The following EGFR variants were observed in gnomAD, a reference collection of about 807,000 sequenced individuals.
EGFR encodes avian erythroblastic leukemia viral (v-erb-b) oncogene homolog.
Under a neutral mutation model 143.0 loss-of-function variants are expected in EGFR, and 58 were observed. That is an observed-to-expected ratio of 0.41 (90% CI 0.33 to 0.50). The LOEUF (loss-of-function observed/expected upper bound fraction) is 0.50, where lower values mean the gene tolerates loss of function less well. Ranked by LOEUF, EGFR falls within the 20% of genes least tolerant of loss-of-function variation. The probability of loss-of-function intolerance (pLI) is 0.39; values close to 1 mark genes in which losing one functional copy is unlikely to be tolerated. For missense variants in EGFR, 1,307 were observed against 1,579.0 expected (o/e 0.83, Z 2.92); for synonymous variants, 613 against 594.4 (o/e 1.03, Z -0.45).
intron 1 of EGFR, among the ~76,000 whole-genome samples, chr7:55,052,340 G>A (rs1788537819): frequency 6.6e-6 from 1 of 152,202 alleles, no homozygotes. Flanking sequence ...ATTGAGAAGT[G>A]GGTTCTCAGG....
chr7:55,031,318 G>A (rs1787231654), intron 1 of EGFR, among the ~76,000 whole-genome samples: 1 of 152,198 alleles, frequency 6.6e-6, no homozygotes, highest in South Asian at 2.1e-4. Flanking sequence ...TGTAAGTCTT[G>A]CAAAGGTTAC....
chr7:55,134,329 A>T (rs536747416), intron 1 of EGFR, among the ~76,000 whole-genome samples: 1 of 149,016 alleles, frequency 6.7e-6, no homozygotes, highest in South Asian at 2.1e-4. Context: ...CAGTTCCAGG[A>T]CTCAGGACTC....
intron 1 of EGFR, among the ~76,000 whole-genome samples, chr7:55,067,262 G>A (rs761173509): frequency 6.2e-5 from 9 of 146,138 alleles, no homozygotes; most frequent in South Asian, 2.1e-4. Context: ...AAGTGCTGTC[G>A]TCTCCTGCAA....
intron 1 of EGFR, among the ~76,000 whole-genome samples, chr7:55,104,611 G>A (rs535590381): frequency 1.4e-4 from 21 of 152,288 alleles, no homozygotes; most frequent in Admixed American, 3.3e-4. Flanking sequence ...GATGAGGAGC[G>A]ATTTATGTTC....
chr7:55,205,395 G>T lies in EGFR; in HGVS notation c.3411G>T (p.Glu1137Asp). ...ACAGCACTGCAGTGGGCAACCCCGA[G>T]TATCTCAACACTGTCCAGCCCACCT... ...DPHSTAVGNPEYLNTVQPTCV... is the reference protein window; with the variant it reads ...DPHSTAVGNPDYLNTVQPTCV... Residue 1137 changes from glutamate to aspartate, a missense_variant, in exon 28 of 28, where the codon GAG becomes GAT. By Grantham distance (45) the Glu-to-Asp change is conservative. Transcript: ENST00000275493. 6.2e-7 allele frequency: 1 copy of T among 1,614,084 alleles called. No homozygotes were observed.
At chr7:55,044,045 T>G (rs1309143521) in intron 1 of EGFR, 2 of 152,108 alleles carry the variant, frequency 1.3e-5, no homozygotes, top group Non-Finnish European at 2.9e-5. Context: ...AAGGAATCAG[T>G]GGGGCCCTGG....
chr7:55,201,601 T>C lies in EGFR; in HGVS notation c.3115-134T>C, dbSNP rs1400554858. ...AAATCAAAACTAAACCTAGTTGCTC[T>C]AAAACTAACGATTAAGACAAAAATT... On this transcript the variant is annotated intron_variant, in intron 25 of 27. Transcript: ENST00000275493. The C allele has an allele frequency of 1.1e-5, 14 of 1,290,052 alleles. No homozygotes were observed. The East Asian group carries it at 2.8e-4, about 26-fold the overall frequency. 79.9% of individuals were successfully genotyped at this position (1,290,052 alleles called of 1,614,324 possible).
intron 15 of EGFR, among the ~76,000 whole-genome samples, chr7:55,170,027 G>A (rs1415409080): frequency 1.3e-5 from 2 of 152,194 alleles, no homozygotes. Flanking sequence ...TCTGTAGGAG[G>A]TAGTGGGGTG....
In EGFR at chr7:55,173,901, T is replaced by A. The variant is rs1584224262; in HGVS notation, c.2062-20T>A. The A allele has an allele frequency of 1.2e-6, 2 of 1,614,220 alleles. No individual in the cohort carries two copies. The highest frequency in any genetic ancestry group is 2.2e-5 in the South Asian group (2 of 91,090). ...TGAGGGCTGAGGTGACCCTTGTCTCTGTGTTCTTGTCCCCCCCAGCTTGTG... is the reference window on the plus strand; with the variant it reads ...TGAGGGCTGAGGTGACCCTTGTCTCAGTGTTCTTGTCCCCCCCAGCTTGTG... On this transcript the variant is annotated intron_variant, in intron 17 of 27. Coordinates refer to ENST00000275493, the MANE Select transcript of EGFR (RefSeq NM_005228.5).
chr7:55,167,008 A>G (rs1786058981), intron 15 of EGFR, among the ~76,000 whole-genome samples: 1 of 125,424 alleles, frequency 8.0e-6, no homozygotes, highest in Non-Finnish European at 1.6e-5. Context: ...GGTGGGAGTC[A>G]CAATGGTGTC....
At chr7:55,064,136 A>G (rs13244618) in intron 1 of EGFR, among the ~76,000 whole-genome samples, 40,488 of 152,104 alleles carry the variant, frequency 0.27, 6,095 homozygotes, top group Non-Finnish European at 0.35. Context: ...TATGATCTTG[A>G]TACTAGAATT....
At chr7:55,077,461 G>A (rs1452115169) in intron 1 of EGFR, among the ~76,000 whole-genome samples, 1 of 152,088 alleles carries the variant, frequency 6.6e-6, no homozygotes, top group Non-Finnish European at 1.5e-5. Context: ...ATTTTACATT[G>A]GAAGTAAAAA....
chr7:55,139,169 T>C (rs1794320260), intron 1 of EGFR, among the ~76,000 whole-genome samples: 1 of 152,204 alleles, frequency 6.6e-6, no homozygotes, highest in African/African-American at 2.4e-5. Context: ...AACGTTATTG[T>C]CACCATTTTC....
intron 14 of EGFR, among the ~76,000 whole-genome samples, 182 bp downstream of exon 14, chr7:55,164,005 A>T (rs750137869): frequency 6.6e-6 from 1 of 152,214 alleles, no homozygotes; most frequent in Non-Finnish European, 1.5e-5. Flanking sequence ...TAGCACACAC[A>T]TTAGCCTGCG....
At position 55,171,228 on chromosome 7, in the gene EGFR, C is replaced by G. The variant is rs747668962; in HGVS notation, c.1919+15C>G. On this transcript the variant is annotated intron_variant, in intron 16 of 27. Transcript: ENST00000275493. The stretch of plus-strand genomic sequence containing the variant: ...CCAACGAATGGGTAAGTGTTCACAG[C>G]TCTGTGTCACATGGACCTCGTCAAG... 2.7e-5 allele frequency: 43 copies of G among 1,614,072 alleles called. No homozygotes were observed. Among genetic ancestry groups the G allele is most frequent in the Non-Finnish European group, 3.5e-5 (41 of 1,180,040 alleles).
chr7:55,199,034 C>T (rs941571322), intron 23 of EGFR, among the ~76,000 whole-genome samples, 171 bp downstream of exon 23: 3 of 152,260 alleles, frequency 2.0e-5, no homozygotes, highest in Non-Finnish European at 4.4e-5. Context: ...TTTAAAGACA[C>T]TTCTTGACTC....
intron 4 of EGFR, among the ~76,000 whole-genome samples, chr7:55,149,524 G>T (rs558328335): frequency 1.3e-5 from 2 of 152,218 alleles, no homozygotes; most frequent in Middle Eastern, 3.4e-3. Context: ...TAAACACCTG[G>T]GTCAGCTGGG....
intron 27 of EGFR, among the ~76,000 whole-genome samples, chr7:55,203,857 T>G (rs1034898411): frequency 6.6e-6 from 1 of 151,572 alleles, no homozygotes; most frequent in African/African-American, 2.4e-5. Flanking sequence ...TATATGTTGA[T>G]GTAATATCTA....
chr7:55,116,941 A>T lies in EGFR; in HGVS notation c.89-25345A>T, dbSNP rs548866868. ...GGGTTCTTTCTCTTTTCTTGCAGTT[A>T]CAAGTTTATGAATATTGTCCCACGT... On this transcript the variant is annotated intron_variant, in intron 1 of 27. Coordinates refer to ENST00000275493, the MANE Select transcript of EGFR (RefSeq NM_005228.5). 5.3e-5 allele frequency among the ~76,000 whole-genome samples: 8 copies of T among 152,332 alleles called. No homozygotes were observed. The East Asian group carries it at 1.3e-3, about 26-fold the overall frequency.
Sources: gnomAD v4.1 joint callset for allele counts (sites outside exome capture counted in the v4.1 genomes callset) on GRCh38, gnomAD v4.1.1 for gene constraint, MANE v1.5 for transcripts, NCBI Gene and HGNC (gene_info 2026-07-23, HGNC 2026-07-21) for gene names.